The following CTNNA3 variants were observed in gnomAD, a reference collection of about 807,000 sequenced individuals.
CTNNA3 encodes catenin alpha 3.
A neutral mutation model predicts 95.7 loss-of-function variants in CTNNA3; 76 were observed. That is an observed-to-expected ratio of 0.79 (90% CI 0.66 to 0.96). The LOEUF is 0.96. Ranked by LOEUF, CTNNA3 falls within the 40% of genes least tolerant of loss-of-function variation. The pLI is 0.00. For missense variants in CTNNA3, 1,191 were observed against 1,089.8 expected (o/e 1.09, Z -1.31); for synonymous variants, 431 against 374.4 (o/e 1.15, Z -1.74).
chr10:67,288,269 T>C (rs567273302), intron 5 of CTNNA3, among the ~76,000 whole-genome samples: 3 of 152,324 alleles, frequency 2.0e-5, no homozygotes, highest in Non-Finnish European at 4.4e-5. Context: ...AAAATCTTTC[T>C]ACTACACGTC....
In CTNNA3 at chr10:67,737,083, C is replaced by T. The variant is rs144481209; in HGVS notation, c.-2+26351G>A. Among the ~76,000 whole-genome samples, 186 of 152,224 alleles carry T rather than the reference C, an allele frequency of 1.2e-3. 1 individual carries two copies. Among genetic ancestry groups the T allele is most frequent in the Non-Finnish European group, 2.3e-3 (157 of 68,012 alleles). On this transcript the variant is annotated intron_variant, in intron 1 of 17. Coordinates refer to the CTNNA3 transcript ENST00000684154. Reference sequence around the variant, plus strand: ...GGTTCAAGTGATTCTCCTGCCTCAGCCTCCTGAGTAGCTGGGATTACAGGC... The same window carrying T: ...GGTTCAAGTGATTCTCCTGCCTCAGTCTCCTGAGTAGCTGGGATTACAGGC...
intron 2 of CTNNA3, among the ~76,000 whole-genome samples, chr10:67,612,958 T>A (rs1329506100): frequency 6.6e-6 from 1 of 152,136 alleles, no homozygotes. Context: ...AGCCCTACAT[T>A]CCCACTAGAG....
intron 11 of CTNNA3, among the ~76,000 whole-genome samples, chr10:66,441,597 C>T (rs1279949178): frequency 6.6e-6 from 1 of 152,154 alleles, no homozygotes; most frequent in Non-Finnish European, 1.5e-5. Flanking sequence ...ATAATGCAAA[C>T]ATTTGTAAAG....
chr10:66,734,780 T>G (rs1849077234), intron 9 of CTNNA3, among the ~76,000 whole-genome samples: 1 of 151,856 alleles, frequency 6.6e-6, no homozygotes. Flanking sequence ...GGAGAATCTC[T>G]TGAACTCGAG....
chr10:66,221,403 G>C (rs940483422), intron 13 of CTNNA3, among the ~76,000 whole-genome samples: 2 of 152,198 alleles, frequency 1.3e-5, no homozygotes, highest in Non-Finnish European at 2.9e-5. Flanking sequence ...GCAGAAGCCA[G>C]TTACGGTAAC....
At chr10:66,437,638 G>C (rs10997128) in intron 11 of CTNNA3, among the ~76,000 whole-genome samples, 58,026 of 151,734 alleles carry the variant, frequency 0.38, 11,641 homozygotes, top group African/African-American at 0.5. Flanking sequence ...CTTGCATTTG[G>C]TTAGAACATG....
intron 7 of CTNNA3, among the ~76,000 whole-genome samples, chr10:66,851,643 C>CACACAT (rs1843500503): frequency 6.9e-5 from 2 of 29,154 alleles, no homozygotes; most frequent in Non-Finnish European, 2.1e-4. Flanking sequence ...TACACACACA[C>CACACAT]ACACACACAC....
At chr10:66,525,100 CA>C (rs1256706924) in intron 10 of CTNNA3, among the ~76,000 whole-genome samples, 1 of 151,044 alleles carries the variant, frequency 6.6e-6, no homozygotes, top group African/African-American at 2.4e-5. Flanking sequence ...AATAAACAGG[CA>C]AAAGCAAAGT....
intron 9 of CTNNA3, among the ~76,000 whole-genome samples, chr10:66,686,401 T>C (rs1211363063): frequency 1.3e-5 from 2 of 152,200 alleles, no homozygotes; most frequent in Non-Finnish European, 1.5e-5. Context: ...AGGTTGAGGC[T>C]GCAGTGAGCT....
intron 5 of CTNNA3, among the ~76,000 whole-genome samples, chr10:67,298,718 T>C (rs772493024): frequency 3.3e-5 from 5 of 152,238 alleles, no homozygotes; most frequent in Non-Finnish European, 5.9e-5. Context: ...TTCATATCAA[T>C]GTTAATGGAA....
At chr10:67,674,481 G>C (rs551097049) in intron 1 of CTNNA3, among the ~76,000 whole-genome samples, 211 of 152,204 alleles carry the variant, frequency 1.4e-3, no homozygotes, top group Non-Finnish European at 2.8e-3. Context: ...CAATTCAGAA[G>C]TAGAATTTCT....
intron 3 of CTNNA3, among the ~76,000 whole-genome samples, chr10:67,603,572 T>C (rs1267709627): frequency 2.0e-5 from 3 of 151,706 alleles, no homozygotes; most frequent in South Asian, 2.1e-4. Context: ...TGTATTTGTG[T>C]CTTAGATTTT....
At chr10:66,396,442 A>T (rs965721120) in intron 11 of CTNNA3, among the ~76,000 whole-genome samples, 1 of 152,052 alleles carries the variant, frequency 6.6e-6, no homozygotes, top group African/African-American at 2.4e-5. Context: ...ATTTTCAAGG[A>T]TTAAAATGTT....
At chr10:67,557,202 G>T (rs1159354976) in intron 3 of CTNNA3, among the ~76,000 whole-genome samples, 1 of 152,068 alleles carries the variant, frequency 6.6e-6, no homozygotes, top group Non-Finnish European at 1.5e-5. Flanking sequence ...TCTAAAAAAA[G>T]GAATTATCAA....
intron 5 of CTNNA3, among the ~76,000 whole-genome samples, chr10:67,479,384 A>C (rs549074666): frequency 6.6e-6 from 1 of 152,192 alleles, no homozygotes; most frequent in East Asian, 1.9e-4. Context: ...CAAAAAAATG[A>C]AAATCATACC....
At chr10:66,250,205 G>A (rs573690559) in intron 13 of CTNNA3, among the ~76,000 whole-genome samples, 1 of 152,146 alleles carries the variant, frequency 6.6e-6, no homozygotes, top group Non-Finnish European at 1.5e-5. Flanking sequence ...TTATTTATGA[G>A]AGCTAAAAAT....
At position 66,197,364 on chromosome 10, in the gene CTNNA3, A is replaced by ATCTG. The variant is rs2087031788; in HGVS notation, c.1884+83105_1884+83106insCAGA. Among the ~76,000 whole-genome samples the ATCTG allele has an allele frequency of 2.0e-5, 3 of 151,906 alleles. No homozygotes were observed. In the East Asian group the frequency reaches 5.8e-4, roughly 29 times the overall value. ...TATCTATCTATCTATCTATCTATCT[A>ATCTG]TCTATCTATCTATCTATCATCTATC... is the stretch of plus-strand genomic sequence containing the variant. On this transcript the variant is annotated intron_variant, in intron 13 of 17. Coordinates refer to ENST00000433211, the MANE Select transcript of CTNNA3 (RefSeq NM_013266.4).
chr10:67,622,083 G>C (rs1843865627), intron 2 of CTNNA3, among the ~76,000 whole-genome samples: 1 of 152,210 alleles, frequency 6.6e-6, no homozygotes, highest in Non-Finnish European at 1.5e-5. Context: ...CATAAGACAA[G>C]TTAGATGTCC....
chr10:66,441,852 T>A (rs1317556136), intron 11 of CTNNA3, among the ~76,000 whole-genome samples: 1 of 152,194 alleles, frequency 6.6e-6, no homozygotes, highest in African/African-American at 2.4e-5. Flanking sequence ...GCTAGACTTC[T>A]GATTTCTGGA....
Sources: gnomAD v4.1 joint callset for allele counts (sites outside exome capture counted in the v4.1 genomes callset) on GRCh38, gnomAD v4.1.1 for gene constraint, MANE v1.5 for transcripts, NCBI Gene and HGNC (gene_info 2026-07-23, HGNC 2026-07-21) for gene names.